RIN2: variants seen among roughly 807,000 people sequenced by gnomAD.
RIN2 encodes Ras and Rab interactor 2.
A neutral mutation model predicts 78.0 loss-of-function variants in RIN2; 36 were observed. The observed-to-expected ratio is 0.46, with a 90% CI of 0.35 to 0.61. The LOEUF (loss-of-function observed/expected upper bound fraction) is 0.61. Among genes scored for constraint, RIN2 ranks in the 20% least tolerant of loss-of-function variants. The pLI is 0.00. For missense variants in RIN2, 1,087 were observed against 1,159.7 expected (o/e 0.94, Z 0.91); for synonymous variants, 466 against 466.8 (o/e 1.00, Z 0.02).
intron 3 of RIN2, among the ~76,000 whole-genome samples, chr20:19,928,381 G>A (rs2040311035): frequency 6.6e-6 from 1 of 152,184 alleles, no homozygotes; most frequent in African/African-American, 2.4e-5. Context: ...CCAAAAGCTG[G>A]TATGCCTACC....
intron 3 of RIN2, among the ~76,000 whole-genome samples, chr20:19,928,654 GC>G: frequency 6.6e-6 from 1 of 152,306 alleles, no homozygotes; most frequent in South Asian, 2.1e-4. Context: ...TTATTCTCTT[GC>G]CCTTGGCCAG....
At chr20:19,831,161 A>G (rs1382225849) in intron 2 of RIN2, among the ~76,000 whole-genome samples, 1 of 152,178 alleles carries the variant, frequency 6.6e-6, no homozygotes, top group African/African-American at 2.4e-5. Flanking sequence ...AGGGCACCCA[A>G]TTCACCTTAG....
intron 3 of RIN2, among the ~76,000 whole-genome samples, chr20:19,898,850 T>G (rs2038856305): frequency 6.6e-6 from 1 of 152,188 alleles, no homozygotes; most frequent in South Asian, 2.1e-4. Flanking sequence ...ATCTAGAAGT[T>G]TTAAAACCCT....
intron 1 of RIN2, among the ~76,000 whole-genome samples, chr20:19,779,732 TTC>T (rs1473775056): frequency 4.6e-5 from 7 of 152,164 alleles, no homozygotes; most frequent in African/African-American, 1.7e-4. Context: ...AAATAAGACT[TTC>T]AGTGGTTAGA....
intron 2 of RIN2, among the ~76,000 whole-genome samples, chr20:19,853,666 C>T (rs2037066751): frequency 6.6e-6 from 1 of 152,220 alleles, no homozygotes; most frequent in Non-Finnish European, 1.5e-5. Context: ...TGTCTGTTGG[C>T]TGCATAAATG....
intron 3 of RIN2, among the ~76,000 whole-genome samples, chr20:19,927,694 C>T (rs1600834048): frequency 1.3e-5 from 2 of 151,880 alleles, no homozygotes; most frequent in South Asian, 2.1e-4. Flanking sequence ...AGATTACAAG[C>T]GTGAGCCACC....
intron 1 of RIN2, among the ~76,000 whole-genome samples, chr20:19,795,683 C>T (rs570717002): frequency 2.4e-4 from 37 of 152,144 alleles, no homozygotes; most frequent in East Asian, 3.9e-4. Context: ...CATTTTTTTC[C>T]GCCTCCTTAG....
intron 4 of RIN2, among the ~76,000 whole-genome samples, chr20:19,943,631 C>T (rs1042264424): frequency 5.3e-5 from 8 of 152,156 alleles, no homozygotes; most frequent in African/African-American, 1.9e-4. Flanking sequence ...TCTAGGGAAA[C>T]TCCCTAAGTC....
intron 1 of RIN2, among the ~76,000 whole-genome samples, chr20:19,760,678 A>G (rs1347691013): frequency 1.3e-5 from 2 of 152,196 alleles, no homozygotes; most frequent in African/African-American, 4.8e-5. Context: ...TGAGAGGTCC[A>G]TGCTCGTGTG....
chr20:19,977,780 A>C (rs1281631726), intron 9 of RIN2, among the ~76,000 whole-genome samples: 1 of 152,216 alleles, frequency 6.6e-6, no homozygotes. Context: ...GAGGCAGCTC[A>C]GACTAAAGCT....
chr20:19,807,588 G>A (rs2035447614), intron 2 of RIN2, among the ~76,000 whole-genome samples: 1 of 151,998 alleles, frequency 6.6e-6, no homozygotes, highest in African/African-American at 2.4e-5. Flanking sequence ...TGGTGAGCTT[G>A]TTCCTCCACA....
intron 9 of RIN2, among the ~76,000 whole-genome samples, chr20:19,986,495 A>G (rs934795492): frequency 3.9e-5 from 6 of 152,206 alleles, no homozygotes; most frequent in Admixed American, 1.3e-4. Context: ...AATTGGTCCT[A>G]GGTTTCAACC....
chr20:19,961,669 G>A (rs151284472), intron 6 of RIN2, among the ~76,000 whole-genome samples: 103 of 152,240 alleles, frequency 6.8e-4, no homozygotes, highest in South Asian at 3.3e-3. Context: ...CTACTCAGCC[G>A]GGAGGGCACA....
chr20:19,920,881 C>T (rs1004812267), intron 3 of RIN2, among the ~76,000 whole-genome samples: 4 of 152,232 alleles, frequency 2.6e-5, no homozygotes, highest in African/African-American at 7.2e-5. Context: ...CCATGTTGGC[C>T]AGGCTGGTCT....
chr20:19,785,567 A>C (rs545052886), intron 1 of RIN2, among the ~76,000 whole-genome samples: 35 of 152,190 alleles, frequency 2.3e-4, no homozygotes, highest in Non-Finnish European at 4.4e-4. Context: ...CCACAGGCCT[A>C]TGTTTTCTAA....
At chr20:19,805,506 G>T (rs749645338) in intron 2 of RIN2, among the ~76,000 whole-genome samples, 1 of 151,980 alleles carries the variant, frequency 6.6e-6, no homozygotes, top group Non-Finnish European at 1.5e-5. Context: ...GGTTCAAGCA[G>T]TTCTCCTACC....
intron 2 of RIN2, among the ~76,000 whole-genome samples, chr20:19,843,774 GA>G (rs2036651993): frequency 6.6e-6 from 1 of 152,012 alleles, no homozygotes; most frequent in Non-Finnish European, 1.5e-5. Flanking sequence ...AAGCAATATT[GA>G]AAAATATAGT....
intron 3 of RIN2, among the ~76,000 whole-genome samples, chr20:19,910,270 G>A (rs904406775): frequency 5.0e-5 from 7 of 139,994 alleles, no homozygotes; most frequent in African/African-American, 8.7e-5. Flanking sequence ...TCTGCCTCCC[G>A]GGTTCAAGTG....
chr20:19,948,386 A>G (rs1235345876), intron 4 of RIN2, among the ~76,000 whole-genome samples: 1 of 152,174 alleles, frequency 6.6e-6, no homozygotes, highest in Non-Finnish European at 1.5e-5. Context: ...GACTGGAAAA[A>G]AATATATACA....
Sources: gnomAD v4.1 joint callset for allele counts (sites outside exome capture counted in the v4.1 genomes callset) on GRCh38, gnomAD v4.1.1 for gene constraint, MANE v1.5 for transcripts, NCBI Gene and HGNC (gene_info 2026-07-23, HGNC 2026-07-21) for gene names.